UTP25: variants seen among roughly 807,000 people sequenced by gnomAD.
The protein encoded by UTP25 is UTP25 small subunit processome component.
A neutral mutation model predicts 78.9 loss-of-function variants in UTP25; 50 were observed. The ratio of observed to expected loss-of-function variants is 0.63; its 90% CI spans 0.50 to 0.80. The LOEUF is 0.80. UTP25 is among the 30% of genes least tolerant of loss of function. UTP25 has a pLI of 0.00. For synonymous variants in UTP25, 329 were observed against 336.5 expected, an observed-to-expected ratio of 0.98 and a Z score of 0.24; for missense variants, 846 against 911.3, an observed-to-expected ratio of 0.93 and a Z score of 0.92.
chr1:209,829,737 T>C (rs1558050736), intron 1 of UTP25, among the ~76,000 whole-genome samples: 1 of 152,116 alleles, frequency 6.6e-6, no homozygotes, highest in Admixed American at 6.6e-5. Context: ...TCTCCCACCT[T>C]GGCCTCCTAA....
intron 3 of UTP25, among the ~76,000 whole-genome samples, chr1:209,832,927 G>A (rs1022117270): frequency 1.3e-5 from 2 of 151,966 alleles, no homozygotes; most frequent in Admixed American, 6.6e-5. Flanking sequence ...AAATACCCTC[G>A]CAGAAACATC....
rs764711584 is a variant in UTP25 at position 209,842,628 on chromosome 1, C to G, written c.1714C>G (p.Leu572Val). The change falls in exon 10 of 12, where the codon CTG becomes GTG. Residue 572 changes from leucine (L) to valine (V), a missense_variant. Coordinates refer to ENST00000491415, the MANE Select transcript of UTP25 (RefSeq NM_014388.7). ...VPMTGSISHV[L>V]VQLPHVFQRM... is the part of the protein sequence containing the mutation. Reference sequence around the variant, plus strand: ...AATGACAGGCTCTATCAGTCATGTCCTGGTGCAGCTCCCACATGTCTTCCA... The same window carrying G: ...AATGACAGGCTCTATCAGTCATGTCGTGGTGCAGCTCCCACATGTCTTCCA... 4.3e-6 allele frequency: 7 copies of G among 1,613,822 alleles called. No homozygotes were observed. In the South Asian group the frequency reaches 7.7e-5, roughly 18 times the overall value.
chr1:209,841,095 A>G, intron 8 of UTP25, 40 bp downstream of exon 8: 2 of 1,604,290 alleles, frequency 1.2e-6, no homozygotes, highest in Non-Finnish European at 1.7e-6. Flanking sequence ...CAGTATTCAT[A>G]TTTAGAGGGA....
At position 209,836,977 on chromosome 1, in the gene UTP25, CCCCCT is replaced by C. The variant is rs1461726429; in HGVS notation, c.831_835del (p.Leu278GlufsTer51). Reference sequence around the variant, plus strand: ...CCCAAAAATCAAGCAGCCCATTCACCCCCCTCCAGAAAGAACTCTTCTTAATTATG... The same window carrying C: ...CCCAAAAATCAAGCAGCCCATTCACCCCAGAAAGAACTCTTCTTAATTATG... On this transcript the variant is annotated frameshift_variant, in exon 6 of 12. Transcript: ENST00000491415. LOFTEE classifies it high-confidence loss of function. 1.2e-6 allele frequency: 2 copies of C among 1,613,974 alleles called. No individual in the cohort carries two copies. Among genetic ancestry groups the C allele is most frequent in the Non-Finnish European group, 1.7e-6 (2 of 1,180,018 alleles).
At position 209,856,165 on chromosome 1, in the gene UTP25, T is replaced by C. The variant is rs1402675216; in HGVS notation, c.*4718T>C. 2.0e-5 allele frequency: 3 copies of C among 152,266 alleles called. No individual in the cohort carries two copies. Among genetic ancestry groups the C allele is most frequent in the Non-Finnish European group, 4.4e-5 (3 of 68,064 alleles). The allele number at this position is 152,266 out of a possible 1,614,324, so 9.4% of individuals were successfully genotyped here. ...TCAGTTTTCTCATCTTTATGAAGTATGGAGTAATCCCCACTAGCCTTATAG... is the reference window on the plus strand; with the variant it reads ...TCAGTTTTCTCATCTTTATGAAGTACGGAGTAATCCCCACTAGCCTTATAG... On this transcript the variant is annotated 3_prime_UTR_variant, in exon 12 of 12. Transcript: ENST00000491415.
chr1:209,833,723 T>G (rs1377969341), intron 4 of UTP25, among the ~76,000 whole-genome samples: 2 of 152,206 alleles, frequency 1.3e-5, no homozygotes, highest in East Asian at 3.8e-4. Flanking sequence ...AGCAGTAATT[T>G]TTCAGATTTG....
rs559722511 is a variant in UTP25 at position 209,850,537 on chromosome 1, G to A, written c.2028-667G>A. 1.2e-4 allele frequency among the ~76,000 whole-genome samples: 18 copies of A among 152,326 alleles called. No homozygotes were observed. The South Asian group carries it at 2.7e-3, about 23-fold the overall frequency. ...GGAATCCCACAGGGGAACGGTTGAC[G>A]TCAGCCTGACTGAACCATACTGCAA... On this transcript the variant is annotated intron_variant, in intron 11 of 11. Coordinates refer to ENST00000491415, the MANE Select transcript of UTP25 (RefSeq NM_014388.7).
intron 11 of UTP25, among the ~76,000 whole-genome samples, chr1:209,846,922 T>C (rs887829796): frequency 3.3e-5 from 5 of 152,362 alleles, no homozygotes; most frequent in Admixed American, 6.5e-5. Context: ...TGTAGAGATA[T>C]TGGAAATTTT....
intron 7 of UTP25, among the ~76,000 whole-genome samples, chr1:209,839,547 C>T (rs1373647686): frequency 6.6e-6 from 1 of 152,134 alleles, no homozygotes; most frequent in African/African-American, 2.4e-5. Context: ...CTCCTGTGTG[C>T]TACATAGATG....
chr1:209,836,241 T>C (rs890936541), intron 5 of UTP25, among the ~76,000 whole-genome samples: 3 of 152,252 alleles, frequency 2.0e-5, no homozygotes, highest in African/African-American at 7.2e-5. Context: ...TTGCTGAGGT[T>C]GTCCTATTTT....
In UTP25 at chr1:209,840,875, C is replaced by G; in HGVS notation, c.1305C>G (p.Ser435Arg). 6.2e-7 allele frequency: 1 copy of G among 1,612,626 alleles called. No homozygotes were observed. The highest frequency in any genetic ancestry group is 8.5e-7 in the Non-Finnish European group (1 of 1,179,852). Residue 435 changes from serine (S) to arginine (R), a missense_variant, in exon 8 of 12, where the codon AGC (serine) becomes AGG (arginine). By Grantham distance (110) the Ser-to-Arg change is moderately radical. Coordinates refer to ENST00000491415, the MANE Select transcript of UTP25 (RefSeq NM_014388.7). ...TAGGAGTGGCAATACTTCAGAGAAG[C>G]ATCCGACTCTATGCCCCGTTTTACT... ...FRIGVAILQR[S>R]IRLYAPFYSS...
rs1293256381 is a variant in UTP25, at chr1:209,853,388, G to C, written c.*1941G>C. 1 of 149,260 alleles carries C rather than the reference G, an allele frequency of 6.7e-6. No individual in the cohort carries two copies. The highest frequency in any genetic ancestry group is 1.5e-5 in the Non-Finnish European group (1 of 67,568). The allele number at this position is 149,260 out of a possible 1,614,324, so 9.2% of individuals were successfully genotyped here. ...TTTTTTTTTTTTGAGATGGAGTCTC[G>C]CTCTGTTGCCCAGGCTGGAGTACAC... On this transcript the variant is annotated 3_prime_UTR_variant, in exon 12 of 12. Transcript: ENST00000491415.
At position 209,852,518 on chromosome 1, in the gene UTP25, G is replaced by C. The variant is rs1219374426; in HGVS notation, c.*1071G>C. 6.6e-6 allele frequency: 1 copy of C among 152,166 alleles called. No individual in the cohort carries two copies. The highest frequency in any genetic ancestry group is 1.5e-5 in the Non-Finnish European group (1 of 68,052). The allele number at this position is 152,166 out of a possible 1,614,324, so 9.4% of individuals were successfully genotyped here. On this transcript the variant is annotated 3_prime_UTR_variant, in exon 12 of 12. Transcript: ENST00000491415. Reference sequence around the variant, plus strand: ...TCTTTTATTCAATGGGTTACGGTTTGTTACATCATTATTTCTTTAGATGCG... The same window carrying C: ...TCTTTTATTCAATGGGTTACGGTTTCTTACATCATTATTTCTTTAGATGCG...
chr1:209,845,903 C>G (rs1213745828), intron 11 of UTP25, among the ~76,000 whole-genome samples: 1 of 146,112 alleles, frequency 6.8e-6, no homozygotes, highest in African/African-American at 2.6e-5. Context: ...GTTGCTCAGG[C>G]TGGAGTGCAG....
rs1268171810 is a variant in UTP25 at position 209,857,098 on chromosome 1, C to T, written c.*5651C>T. The T allele has an allele frequency of 6.6e-6, 1 of 152,106 alleles. No homozygotes were observed. The highest frequency in any genetic ancestry group is 1.5e-5 in the Non-Finnish European group (1 of 68,012). 9.4% of individuals were successfully genotyped at this position (152,106 alleles called of 1,614,324 possible). A position where few individuals can be genotyped will look rare whatever the true frequency, so the allele number is the denominator to read the frequency against. ...TCCGTGAATTACCTATAGGTCATCC[C>T]TAAGAGGTGGCCTCCAGCTTCTGCT... On this transcript the variant is annotated 3_prime_UTR_variant, in exon 12 of 12. Transcript: ENST00000491415.
chr1:209,845,804 T>C (rs1270733962), intron 11 of UTP25, among the ~76,000 whole-genome samples: 1 of 71,352 alleles, frequency 1.4e-5, no homozygotes, highest in East Asian at 3.8e-4. Flanking sequence ...AGTGCCTTTG[T>C]GATTTTTTTT....
Position 209,857,346 on chromosome 1 carries a change from TC to T in UTP25, c.*5901del, listed in dbSNP as rs2078285012. 6.6e-6 allele frequency: 1 copy of T among 152,122 alleles called. No individual in the cohort carries two copies. Among genetic ancestry groups the T allele is most frequent in the African/African-American group, 2.4e-5 (1 of 41,402 alleles). The allele number at this position is 152,122 out of a possible 1,614,324, so 9.4% of individuals were successfully genotyped here. A position where few individuals can be genotyped will look rare whatever the true frequency, so the allele number is the denominator to read the frequency against. On this transcript the variant is annotated 3_prime_UTR_variant, in exon 12 of 12. Transcript: ENST00000491415. ...CCTTACTTCCTTAAACTTTTTTTTTTCCTGAAAAGTTATTCTTTTAATCTTA... is the reference window on the plus strand; with the variant it reads ...CCTTACTTCCTTAAACTTTTTTTTTTCTGAAAAGTTATTCTTTTAATCTTA...
chr1:209,832,704 G>A (rs10127618), intron 3 of UTP25, among the ~76,000 whole-genome samples: 103,715 of 151,986 alleles, frequency 0.68, 36,089 homozygotes, highest in Non-Finnish European at 0.75. Context: ...CCAACATGGC[G>A]AAACCCCATC....
At position 209,842,687 on chromosome 1, in the gene UTP25, T is replaced by G. The variant is rs1180381824; in HGVS notation, c.1773T>G (p.Ile591Met). Residue 591 changes from isoleucine to methionine, a missense_variant, in exon 10 of 12, where the codon ATT becomes ATG. Coordinates refer to ENST00000491415, the MANE Select transcript of UTP25 (RefSeq NM_014388.7). Reference sequence around the variant, plus strand: ...AAGCTGAAAACCTAGCTTCAGTGATTGATGCCAGGTAACCCACTCCTCCCA... The same window carrying G: ...AAGCTGAAAACCTAGCTTCAGTGATGGATGCCAGGTAACCCACTCCTCCCA... ...RMEAENLASVIDARFNFFVNK... is the reference protein window; with the variant it reads ...RMEAENLASVMDARFNFFVNK... 1 of 1,610,776 alleles carries G rather than the reference T, an allele frequency of 6.2e-7. No individual in the cohort carries two copies. The highest frequency in any genetic ancestry group is 8.5e-7 in the Non-Finnish European group (1 of 1,178,714).
Sources: gnomAD v4.1 joint callset for allele counts (sites outside exome capture counted in the v4.1 genomes callset) on GRCh38, gnomAD v4.1.1 for gene constraint, MANE v1.5 for transcripts, NCBI Gene and HGNC (gene_info 2026-07-23, HGNC 2026-07-21) for gene names.